The following FGF12 variants were observed in gnomAD, a reference collection of about 807,000 sequenced individuals.
The protein encoded by FGF12 is fibroblast growth factor 12.
A neutral mutation model predicts 23.6 loss-of-function variants in FGF12; 14 were observed. That is an observed-to-expected ratio of 0.59 (90% CI 0.39 to 0.93). FGF12 has a LOEUF of 0.93. Ranked by LOEUF, FGF12 falls within the 40% of genes least tolerant of loss-of-function variation. FGF12 has a pLI of 0.00. For missense variants in FGF12, 175 were observed against 217.8 expected (o/e 0.80, Z 1.24); for synonymous variants, 62 against 77.3 (o/e 0.80, Z 1.04).
At chr3:192,460,573 C>T (rs1019755809) in intron 2 of FGF12, among the ~76,000 whole-genome samples, 5 of 151,886 alleles carry the variant, frequency 3.3e-5, no homozygotes, top group African/African-American at 7.3e-5. Flanking sequence ...AGGCTACAGA[C>T]GCTTTCCGAA....
chr3:192,655,201 T>C (rs1484521936), intron 2 of FGF12, among the ~76,000 whole-genome samples: 1 of 152,196 alleles, frequency 6.6e-6, no homozygotes, highest in African/African-American at 2.4e-5. Flanking sequence ...CTATTCTCAC[T>C]TCCTCCTTAT....
intron 2 of FGF12, among the ~76,000 whole-genome samples, chr3:192,609,999 G>C (rs2108638670): frequency 6.6e-6 from 1 of 152,168 alleles, no homozygotes; most frequent in East Asian, 1.9e-4. Flanking sequence ...GTTCTGACTG[G>C]TCTGTGCTAG....
intron 2 of FGF12, among the ~76,000 whole-genome samples, chr3:192,693,781 C>T (rs1201759249): frequency 4.6e-5 from 7 of 152,160 alleles, no homozygotes; most frequent in Admixed American, 1.3e-4. Context: ...AACACAGAGC[C>T]GTAAAACTCC....
chr3:192,275,743 G>A (rs1036045505), intron 4 of FGF12, among the ~76,000 whole-genome samples: 12 of 152,072 alleles, frequency 7.9e-5, no homozygotes, highest in Admixed American at 2.6e-4. Context: ...TGTACTTTGG[G>A]GACAAAATGT....
intron 4 of FGF12, among the ~76,000 whole-genome samples, chr3:192,202,999 A>G (rs572849573): frequency 5.3e-5 from 8 of 152,352 alleles, no homozygotes; most frequent in African/African-American, 1.4e-4. Flanking sequence ...GTAAAAATAC[A>G]ATGCTAAAGC....
intron 4 of FGF12, among the ~76,000 whole-genome samples, chr3:192,171,308 CAG>C (rs1715546532): frequency 1.3e-5 from 2 of 152,092 alleles, no homozygotes; most frequent in Admixed American, 6.6e-5. Context: ...CAGTGAAACA[CAG>C]AATGAGAGTT....
Position 192,551,183 on chromosome 3 carries a change from C to G in FGF12, c.13+175998G>C, listed in dbSNP as rs929895518. Among the ~76,000 whole-genome samples, 5 of 152,128 alleles carry G rather than the reference C, an allele frequency of 3.3e-5. No individual in the cohort carries two copies. In the South Asian group the frequency reaches 1.0e-3, roughly 32 times the overall value. The stretch of plus-strand genomic sequence containing the variant: ...GAGAAAGGGAAAATGTAAGTTAACC[C>G]CGTATTAACTCCAGCTTTCTACCCG... On this transcript the variant is annotated intron_variant, in intron 2 of 5. Coordinates refer to ENST00000445105, the MANE Select transcript of FGF12 (RefSeq NM_004113.6).
At chr3:192,432,620 C>CAAAAA (rs201364119) in intron 2 of FGF12, among the ~76,000 whole-genome samples, 62 of 106,544 alleles carry the variant, frequency 5.8e-4, no homozygotes, top group African/African-American at 7.3e-4. Context: ...TGACATCTGG[C>CAAAAA]AAAAAAAAAA....
intron 2 of FGF12, among the ~76,000 whole-genome samples, chr3:192,608,475 G>A (rs1714429307): frequency 6.6e-6 from 1 of 151,974 alleles, no homozygotes; most frequent in African/African-American, 2.4e-5. Context: ...AGAGGAATAT[G>A]TACCAAATTT....
At position 192,514,607 on chromosome 3, in the gene FGF12, GGAA is replaced by G. The variant is rs1724600163; in HGVS notation, c.14-154072_14-154070del. 1 of 801,226 alleles carries G rather than the reference GGAA, an allele frequency of 1.2e-6. No individual in the cohort carries two copies. Among genetic ancestry groups the G allele is most frequent in the African/African-American group, 1.9e-5 (1 of 53,736 alleles). 49.6% of individuals were successfully genotyped at this position (801,226 alleles called of 1,614,324 possible). ...AGAGGAGGGCGGCGGAGAGGGCCCC[GGAA>G]GAAGGGAAGGGGGCATTCTGCAGTG... On this transcript the variant is annotated intron_variant, in intron 2 of 5. Coordinates refer to ENST00000445105, the MANE Select transcript of FGF12 (RefSeq NM_004113.6). The surrounding 1 kb of genome is among the most constrained non-coding windows in gnomAD (Gnocchi z 4.9).
At chr3:192,464,972 C>G (rs1312095168) in intron 2 of FGF12, among the ~76,000 whole-genome samples, 1 of 152,132 alleles carries the variant, frequency 6.6e-6, no homozygotes, top group African/African-American at 2.4e-5. Flanking sequence ...AAAAGGCCCC[C>G]AAATATCCCG....
intron 2 of FGF12, among the ~76,000 whole-genome samples, chr3:192,362,386 C>T (rs1037485771): frequency 2.6e-5 from 4 of 152,110 alleles, no homozygotes; most frequent in East Asian, 3.9e-4. Context: ...ATCCCTCCCC[C>T]ACCCCTCCAC....
At chr3:192,586,476 C>A (rs972372294) in intron 2 of FGF12, among the ~76,000 whole-genome samples, 1 of 152,196 alleles carries the variant, frequency 6.6e-6, no homozygotes, top group African/African-American at 2.4e-5. Flanking sequence ...AGTATAGTAC[C>A]TGACAAATAG....
intron 2 of FGF12, among the ~76,000 whole-genome samples, chr3:192,611,205 AGCTCTGCTTTCT>A (rs778355929): frequency 1.2e-4 from 18 of 152,126 alleles, no homozygotes; most frequent in Middle Eastern, 3.4e-3. Flanking sequence ...CATACCTAGA[AGCTCTGCTTTCT>A]GCTTTGCTTG....
At chr3:192,612,471 T>G (rs1373707298) in intron 2 of FGF12, among the ~76,000 whole-genome samples, 3 of 151,962 alleles carry the variant, frequency 2.0e-5, no homozygotes, top group African/African-American at 7.2e-5. Flanking sequence ...ATTGATGATA[T>G]TCATCTTAAT....
chr3:192,158,332 C>CTTTCT (rs1459698854), intron 5 of FGF12, among the ~76,000 whole-genome samples: 1 of 112,356 alleles, frequency 8.9e-6, no homozygotes, highest in Non-Finnish European at 1.8e-5. Context: ...TTCTTTCTTT[C>CTTTCT]TCTTTCTTTC....
At chr3:192,676,043 A>C (rs1717317124) in intron 2 of FGF12, among the ~76,000 whole-genome samples, 1 of 152,232 alleles carries the variant, frequency 6.6e-6, no homozygotes, top group Non-Finnish European at 1.5e-5. Context: ...CAAATGGAGA[A>C]TGTAGAGGAG....
intron 5 of FGF12, among the ~76,000 whole-genome samples, chr3:192,158,367 T>TCTTTCTTTCTTTCTTTCTTTC (rs1714593499): frequency 8.2e-6 from 1 of 122,430 alleles, no homozygotes; most frequent in South Asian, 2.7e-4. Flanking sequence ...TCTTTCTTTC[T>TCTTTCTTTCTTTCTTTCTTTC]TTCTTTCTTT....
rs190927251 is a variant in FGF12 at position 192,355,153 on chromosome 3, T to C, written c.124+5275A>G. ...ACCCTTGACCCAGCAATTCTACTTC[T>C]AGGTAACTATCCTATAAATACATTT... On this transcript the variant is annotated intron_variant, in intron 3 of 5. Transcript: ENST00000445105. 1.2e-3 allele frequency among the ~76,000 whole-genome samples: 190 copies of C among 152,368 alleles called. 1 individual carries two copies. The highest frequency in any genetic ancestry group is 4.2e-3 in the African/African-American group (173 of 41,578).
Sources: gnomAD v4.1 joint callset for allele counts (sites outside exome capture counted in the v4.1 genomes callset) on GRCh38, gnomAD v4.1.1 for gene constraint, Gnocchi (gnomAD v3.1) non-coding constraint, MANE v1.5 for transcripts, NCBI Gene and HGNC (gene_info 2026-07-23, HGNC 2026-07-21) for gene names.